Variants in HSPH1 observed in about 807,000 individuals in gnomAD.
The protein encoded by HSPH1 is heat shock protein 105 kDa.
A neutral mutation model predicts 100.0 loss-of-function variants in HSPH1; 40 were observed. The ratio of observed to expected loss-of-function variants is 0.40; its 90% confidence interval spans 0.31 to 0.52. The LOEUF is 0.52. Among genes scored for constraint, HSPH1 ranks in the 20% least tolerant of loss-of-function variants. The pLI is 0.54. For missense variants in HSPH1, 876 were observed against 1,015.1 expected, an observed-to-expected ratio of 0.86 and a Z score of 1.86; for synonymous variants, 403 against 344.0, an observed-to-expected ratio of 1.17 and a Z score of -1.90.
rs142718408 is a variant in HSPH1 at position 31,139,027 on chromosome 13, T to C, written c.2061A>G (p.Ala687=). ...YEEGEDQAKQ[A]YVDKLEELMK... ...TTAATTCTTCCAACTTGTCAACATA[T>C]GCTTGTTTAGCTTGGTCCTCTCCTT... The change falls in exon 15 of 18, where the codon GCA becomes GCG. Residue 687 remains alanine (A), a synonymous_variant. Transcript: ENST00000320027. The C allele has an allele frequency of 1.4e-5, 22 of 1,612,668 alleles. No individual in the cohort carries two copies. The highest frequency in any genetic ancestry group is 8.0e-5 in the African/African-American group (6 of 74,882).
chr13:31,141,793 CACAT>C (rs200339584), intron 12 of HSPH1, among the ~76,000 whole-genome samples: 2,090 of 73,464 alleles, frequency 0.028, 18 homozygotes, highest in African/African-American at 0.041. Context: ...ATACTCCATA[CACAT>C]ACATACACAC....
At chr13:31,144,991 T>C (rs9538601) in intron 11 of HSPH1, among the ~76,000 whole-genome samples, 56,116 of 152,014 alleles carry the variant, frequency 0.37, 11,427 homozygotes, top group Non-Finnish European at 0.47. Flanking sequence ...ACTGTAATTA[T>C]TGTAATACTT....
At chr13:31,140,457 T>A in intron 13 of HSPH1, 148 bp from the exon 14 acceptor site, 2 of 507,664 alleles carry the variant, frequency 3.9e-6, no homozygotes, top group Non-Finnish European at 6.4e-6. Flanking sequence ...AAACTCTTCC[T>A]ACAAACCAAA....
At position 31,150,110 on chromosome 13, in the gene HSPH1, T is replaced by C. The variant is rs201788940; in HGVS notation, c.981A>G (p.Gln327=). ...IEVPLYSLLE[Q]THLKVEDVSA... is the part of the protein sequence containing the mutation. ...TCACATCTTCTACTTTGAGATGAGT[T>C]TGTTCCAACAGTGAATAAAGGGGTA... is the stretch of plus-strand genomic sequence containing the variant. The change falls in exon 8 of 18, where the codon CAA becomes CAG. Residue 327 remains glutamine, a synonymous_variant. Transcript: ENST00000320027. 6.2e-7 allele frequency: 1 copy of C among 1,613,632 alleles called. No individual in the cohort carries two copies. The highest frequency in any genetic ancestry group is 8.5e-7 in the Non-Finnish European group (1 of 1,179,610).
intron 14 of HSPH1, 78 bp from the exon 15 acceptor site, chr13:31,139,185 A>T (rs1955997088): frequency 1.1e-6 from 1 of 896,222 alleles, no homozygotes; most frequent in African/African-American, 1.6e-5. Flanking sequence ...GTATTCTCAC[A>T]CTAGGTAGCT....
chr13:31,156,366 G>T lies in HSPH1; in HGVS notation c.166-712C>A, dbSNP rs565391434. Among the ~76,000 whole-genome samples, 38 of 151,988 alleles carry T rather than the reference G, an allele frequency of 2.5e-4. 1 individual carries two copies. In the East Asian group the frequency reaches 7.4e-3, roughly 29 times the overall value. On this transcript the variant is annotated intron_variant, in intron 2 of 17. Coordinates refer to ENST00000320027, the MANE Select transcript of HSPH1 (RefSeq NM_006644.4). ...GATCGTGTCACTGCACTCCAGCCTG[G>T]GCGACAGAGCGAGATTCCGTCTCAA...
At chr13:31,153,154 AG>A in intron 4 of HSPH1, among the ~76,000 whole-genome samples, 1 of 152,282 alleles carries the variant, frequency 6.6e-6, no homozygotes, top group African/African-American at 2.4e-5. Flanking sequence ...CCAAAATTAC[AG>A]GATCAAAATA....
At chr13:31,156,138 C>A (rs1477181982) in intron 2 of HSPH1, among the ~76,000 whole-genome samples, 2 of 152,200 alleles carry the variant, frequency 1.3e-5, no homozygotes. Flanking sequence ...CGCCTGTAAT[C>A]CCAGCACTTT....
intron 10 of HSPH1, among the ~76,000 whole-genome samples, chr13:31,146,992 A>C (rs1427622066): frequency 3.3e-5 from 5 of 152,212 alleles, no homozygotes; most frequent in South Asian, 2.1e-4. Context: ...ATTAATTGTC[A>C]AATCAGTAGT....
chr13:31,147,981 A>T lies in HSPH1; in HGVS notation c.1356T>A (p.Val452=). ...TACCTATTTTTGCTTCTGGATATGG[A>T]ACTCCTTGGGGATCAGAATAGAAAG... ...LEAFYSDPQG[V]PYPEAKIGRF... Residue 452 remains valine, a synonymous_variant, in exon 10 of 18, where the codon GTT becomes GTA. Transcript: ENST00000320027. 2 of 1,596,504 alleles carry T rather than the reference A, an allele frequency of 1.3e-6. No homozygotes were observed. Among genetic ancestry groups the T allele is most frequent in the South Asian group, 1.2e-5 (1 of 86,788 alleles).
intron 14 of HSPH1, 47 bp downstream of exon 14, chr13:31,140,137 C>T (rs762373098): frequency 6.7e-7 from 1 of 1,498,572 alleles, no homozygotes; most frequent in South Asian, 1.3e-5. Context: ...TGATATTAAA[C>T]ACTTCATATG....
chr13:31,144,153 C>CAAGT (rs1956192534), intron 11 of HSPH1, among the ~76,000 whole-genome samples: 1 of 152,078 alleles, frequency 6.6e-6, no homozygotes, highest in African/African-American at 2.4e-5. Flanking sequence ...TTAAATAACA[C>CAAGT]AAGTAAGCAT....
intron 14 of HSPH1, among the ~76,000 whole-genome samples, chr13:31,139,409 G>A (rs1042399280): frequency 7.2e-5 from 11 of 151,970 alleles, no homozygotes; most frequent in South Asian, 4.1e-4. Flanking sequence ...ATGCTGAAGG[G>A]GAAGCTATAC....
At chr13:31,158,001 C>A (rs1336629660) in intron 2 of HSPH1, among the ~76,000 whole-genome samples, 1 of 152,148 alleles carries the variant, frequency 6.6e-6, no homozygotes, top group Non-Finnish European at 1.5e-5. Flanking sequence ...TTCAGACGAG[C>A]CACATTTCAA....
At chr13:31,143,580 T>TA (rs1287271661) in intron 12 of HSPH1, among the ~76,000 whole-genome samples, 1 of 152,102 alleles carries the variant, frequency 6.6e-6, no homozygotes, top group African/African-American at 2.4e-5. Flanking sequence ...GAGAAGCTTT[T>TA]AAAAGTTTAA....
At position 31,138,749 on chromosome 13, in the gene HSPH1, C is replaced by T. The variant is rs201381616; in HGVS notation, c.2208+32G>A. Reference sequence around the variant, plus strand: ...GTTAGCTTATTAAAATCTAGGTTAACTTCCTCCCTATGTACAAAAAGACTG... The same window carrying T: ...GTTAGCTTATTAAAATCTAGGTTAATTTCCTCCCTATGTACAAAAAGACTG... On this transcript the variant is annotated intron_variant, in intron 16 of 17. Transcript: ENST00000320027. The T allele has an allele frequency of 4.1e-5, 65 of 1,585,214 alleles. No homozygotes were observed. The Middle Eastern group carries it at 5.1e-4, about 12-fold the overall frequency.
rs776235504 is a variant in HSPH1, at chr13:31,139,007, T to C, written c.2081A>G (p.Glu694Gly). The C allele has an allele frequency of 2.9e-5, 47 of 1,609,484 alleles. 1 individual carries two copies. The Admixed American group carries it at 7.5e-4, about 26-fold the overall frequency. Residue 694 changes from glutamate to glycine, a missense_variant, in exon 15 of 18, where the codon GAA (glutamate) becomes GGA (glycine). Physicochemically the swap from Glu to Gly is moderately conservative, Grantham distance 98 (BLOSUM62 -2). Coordinates refer to ENST00000320027, the MANE Select transcript of HSPH1 (RefSeq NM_006644.4). ...GGGGAGAAAACGACCTACCATTAAT[T>C]CTTCCAACTTGTCAACATATGCTTG... ...AKQAYVDKLE[E>G]LMKIGTPVKV...
intron 2 of HSPH1, among the ~76,000 whole-genome samples, chr13:31,158,148 A>G (rs1956764306): frequency 6.6e-6 from 1 of 152,222 alleles, no homozygotes; most frequent in Non-Finnish European, 1.5e-5. Flanking sequence ...TTCCTTCTAT[A>G]AAAGGAATCT....
chr13:31,150,106 G>A lies in HSPH1; in HGVS notation c.985C>T (p.His329Tyr). Residue 329 changes from histidine (H) to tyrosine (Y), a missense_variant, in exon 8 of 18, where the codon CAT becomes TAT. Transcript: ENST00000320027. ...VPLYSLLEQT[H>Y]LKVEDVSAVE... ...GCACTCACATCTTCTACTTTGAGAT[G>A]AGTTTGTTCCAACAGTGAATAAAGG... is the stretch of plus-strand genomic sequence containing the variant. The A allele has an allele frequency of 1.9e-6, 3 of 1,613,532 alleles. No individual in the cohort carries two copies. The highest frequency in any genetic ancestry group is 1.7e-6 in the Non-Finnish European group (2 of 1,179,556).
Sources: gnomAD v4.1 joint callset for allele counts (sites outside exome capture counted in the v4.1 genomes callset) on GRCh38, gnomAD v4.1.1 for gene constraint, MANE v1.5 for transcripts, NCBI Gene and HGNC (gene_info 2026-07-23, HGNC 2026-07-21) for gene names.